The following TRIM33 variants were observed in gnomAD, a reference collection of about 807,000 sequenced individuals.
TRIM33 encodes the protein E3 ubiquitin-protein ligase TRIM33.
A neutral mutation model predicts 125.4 loss-of-function variants in TRIM33; 20 were observed. The ratio of observed to expected loss-of-function variants is 0.16; its 90% CI spans 0.11 to 0.23. The LOEUF is 0.23. TRIM33 is among the 10% of genes least tolerant of loss of function. The probability of loss-of-function intolerance (pLI) is 1.00; values close to 1 mark genes in which losing one functional copy is unlikely to be tolerated. For missense variants in TRIM33, 920 were observed against 1,411.4 expected, an observed-to-expected ratio of 0.65 and a Z score of 5.58; for synonymous variants, 564 against 513.9, an observed-to-expected ratio of 1.10 and a Z score of -1.32.
chr1:114,441,388 A>G (rs1370607687), intron 4 of TRIM33, among the ~76,000 whole-genome samples: 1 of 152,244 alleles, frequency 6.6e-6, no homozygotes, highest in Non-Finnish European at 1.5e-5. Flanking sequence ...ACCACAGTAA[A>G]TAAGGTAAAA....
At chr1:114,467,368 G>C (rs1650364117) in intron 1 of TRIM33, among the ~76,000 whole-genome samples, 1 of 152,188 alleles carries the variant, frequency 6.6e-6, no homozygotes, top group Non-Finnish European at 1.5e-5. Context: ...GTTTTAGCCA[G>C]AAATGTAATG....
intron 1 of TRIM33, among the ~76,000 whole-genome samples, chr1:114,500,909 G>GACGGACTTGGCAGGCAGTTCTGGCTTAGT (rs1570678933): frequency 1.4e-4 from 19 of 134,196 alleles, no homozygotes; most frequent in African/African-American, 5.1e-4. Flanking sequence ...AAGAATTTGG[G>GACGGACTTGGCAGGCAGTTCTGGCTTAGT]GCCGGGCGCG....
At chr1:114,444,562 C>T (rs1240540639) in intron 4 of TRIM33, among the ~76,000 whole-genome samples, 1 of 152,128 alleles carries the variant, frequency 6.6e-6, no homozygotes, top group African/African-American at 2.4e-5. Flanking sequence ...TTGACAAGAT[C>T]GTCTAAGAAA....
intron 1 of TRIM33, chr1:114,468,615 T>C: frequency 2.4e-6 from 1 of 419,646 alleles, no homozygotes; most frequent in Non-Finnish European, 4.6e-6. Flanking sequence ...GTGTAAAGGA[T>C]CTTAAGATTG....
Position 114,401,375 on chromosome 1 carries a change from G to GGTA in TRIM33, c.2967+11_2967+13dup. 1 of 1,609,070 alleles carries GGTA rather than the reference G, an allele frequency of 6.2e-7. No individual in the cohort carries two copies. Among genetic ancestry groups the GGTA allele is most frequent in the Non-Finnish European group, 8.5e-7 (1 of 1,176,530 alleles). ...TGAGACTTCCCCACCGAGCTACTAAGGTAGGCAACTCACCGAAGCAGGAAC... is the reference window on the plus strand; with the variant it reads ...TGAGACTTCCCCACCGAGCTACTAAGGTAGTAGGCAACTCACCGAAGCAGGAAC... On this transcript the variant is annotated intron_variant, in intron 17 of 19. Coordinates refer to ENST00000358465, the MANE Select transcript of TRIM33 (RefSeq NM_015906.4).
chr1:114,439,701 C>G (rs1201782818), intron 4 of TRIM33, among the ~76,000 whole-genome samples: 1 of 151,804 alleles, frequency 6.6e-6, no homozygotes, highest in Non-Finnish European at 1.5e-5. Flanking sequence ...AGCTCAACAT[C>G]CCCCAAGCAC....
chr1:114,463,341 G>A (rs1650102155), intron 3 of TRIM33, 71 bp downstream of exon 3: 1 of 1,554,762 alleles, frequency 6.4e-7, no homozygotes, highest in Admixed American at 2.0e-5. Flanking sequence ...AGAATAAGTA[G>A]AAAATTCTAT....
At chr1:114,474,607 G>C (rs1159067921) in intron 1 of TRIM33, among the ~76,000 whole-genome samples, 1 of 146,446 alleles carries the variant, frequency 6.8e-6, no homozygotes, top group East Asian at 2.0e-4. Context: ...AAAAAGGCCA[G>C]GGGCAGTGGC....
At chr1:114,427,073 C>A in intron 8 of TRIM33, 104 bp downstream of exon 8, 2 of 555,490 alleles carry the variant, frequency 3.6e-6, no homozygotes, top group African/African-American at 1.9e-5. Flanking sequence ...AAATGTAAAA[C>A]ATTAGTTTTA....
intron 17 of TRIM33, among the ~76,000 whole-genome samples, chr1:114,401,028 CTTTTTTTTTTT>C (rs944429313): frequency 7.0e-6 from 1 of 142,450 alleles, no homozygotes; most frequent in Non-Finnish European, 1.5e-5. Context: ...AGGCCATACT[CTTTTTTTTTTT>C]TTTCTTTTTT....
In TRIM33 at chr1:114,397,652, T is replaced by G; in HGVS notation, c.3380A>C (p.Lys1127Thr). Residue 1127 changes from lysine (K) to threonine (T), a missense_variant, in exon 20 of 20, where the codon AAG becomes ACG. Coordinates refer to ENST00000358465, the MANE Select transcript of TRIM33 (RefSeq NM_015906.4). The stretch of plus-strand genomic sequence containing the variant: ...TTGATTTAAATCCATGTCATTTTAC[T>G]TTATATGTACTGGTCTCTCATCTGA... ...LKSDERPVHIK is the reference protein window; with the variant it reads ...LKSDERPVHIT The G allele has an allele frequency of 1.4e-6, 2 of 1,433,520 alleles. No individual in the cohort carries two copies. The highest frequency in any genetic ancestry group is 9.8e-7 in the Non-Finnish European group (1 of 1,024,392). 88.8% of individuals were successfully genotyped at this position (1,433,520 alleles called of 1,614,324 possible).
At chr1:114,412,014 T>C (rs1432008125) in intron 11 of TRIM33, among the ~76,000 whole-genome samples, 2 of 151,900 alleles carry the variant, frequency 1.3e-5, no homozygotes, top group African/African-American at 4.8e-5. Flanking sequence ...ACAAAGATAA[T>C]TTACAGAAGA....
chr1:114,409,462 A>G (rs1294539492), intron 12 of TRIM33, among the ~76,000 whole-genome samples: 1 of 152,220 alleles, frequency 6.6e-6, no homozygotes, highest in Non-Finnish European at 1.5e-5. Flanking sequence ...TAATTTTTCA[A>G]TGTTTCATTA....
chr1:114,510,876 C>A lies in TRIM33; in HGVS notation c.201G>T (p.Val67=). 1.4e-6 allele frequency: 2 copies of A among 1,460,466 alleles called. No individual in the cohort carries two copies. Among genetic ancestry groups the A allele is most frequent in the Non-Finnish European group, 1.8e-6 (2 of 1,112,882 alleles). 90.5% of individuals were successfully genotyped at this position (1,460,466 alleles called of 1,614,324 possible). The change falls in exon 1 of 20, where the codon GTG becomes GTT. Residue 67 remains valine, a synonymous_variant. Coordinates refer to ENST00000358465, the MANE Select transcript of TRIM33 (RefSeq NM_015906.4). ...GGAAGPDDGG[V]AAASSGSAQA... ...GGGCCGAGCCCGAGGAGGCCGCGGC[C>A]ACCCCCCCGTCGTCGGGCCCGGCCG...
At chr1:114,442,340 T>G (rs11807745) in intron 4 of TRIM33, among the ~76,000 whole-genome samples, 4,018 of 152,128 alleles carry the variant, frequency 0.026, 94 homozygotes, top group Non-Finnish European at 0.034. Context: ...ATGTATTTAC[T>G]TATCACTTCT....
intron 4 of TRIM33, among the ~76,000 whole-genome samples, chr1:114,448,672 T>C (rs1285581146): frequency 3.3e-5 from 5 of 152,040 alleles, no homozygotes; most frequent in Admixed American, 3.3e-4. Context: ...TGACATTAAA[T>C]AAGGAAGGAG....
Position 114,406,932 on chromosome 1 carries a change from G to C in TRIM33, c.2418+9C>G. 6.2e-7 allele frequency: 1 copy of C among 1,612,230 alleles called. No homozygotes were observed. Among genetic ancestry groups the C allele is most frequent in the Non-Finnish European group, 8.5e-7 (1 of 1,178,918 alleles). ...CTTAAGTCCCTGTCAGACTCCAGTG[G>C]GAGCTTACCATGCAAGCACTCCTCC... On this transcript the variant is annotated intron_variant, in intron 14 of 19. Coordinates refer to ENST00000358465, the MANE Select transcript of TRIM33 (RefSeq NM_015906.4).
intron 1 of TRIM33, among the ~76,000 whole-genome samples, chr1:114,492,808 A>T (rs1388244571): frequency 6.6e-6 from 1 of 152,196 alleles, no homozygotes; most frequent in African/African-American, 2.4e-5. Context: ...TTATCAATTC[A>T]TCTGTTGAAC....
chr1:114,405,685 C>A lies in TRIM33; in HGVS notation c.2493G>T (p.Leu831Phe). 6.2e-7 allele frequency: 1 copy of A among 1,614,164 alleles called. No homozygotes were observed. The highest frequency in any genetic ancestry group is 8.5e-7 in the Non-Finnish European group (1 of 1,180,028). ...TTTTCACATGGTTTTCCAGGCTTGC[C>A]AATGCATCCAATTCACTTTCTAGAT... ...NLHLESELDA[L>F]ASLENHVKIE... is the part of the protein sequence containing the mutation. Residue 831 changes from leucine (L) to phenylalanine (F), a missense_variant, in exon 15 of 20, where the codon TTG (leucine) becomes TTT (phenylalanine). This residue lies in a region of TRIM33 where 407 missense variants were observed against 589.7 expected (regional missense o/e 0.69). Transcript: ENST00000358465.
Sources: gnomAD v4.1 joint callset for allele counts (sites outside exome capture counted in the v4.1 genomes callset) on GRCh38, gnomAD v4.1.1 for gene constraint, gnomAD v4.1.1 regional missense constraint, MANE v1.5 for transcripts, NCBI Gene and HGNC (gene_info 2026-07-23, HGNC 2026-07-21) for gene names.